Variants in PDE3A observed in about 807,000 individuals in gnomAD.
The protein encoded by PDE3A is cGMP-inhibited 3',5'-cyclic phosphodiesterase 3A.
Under a neutral mutation model 98.3 loss-of-function variants are expected in PDE3A, and 43 were observed. That is an observed-to-expected ratio of 0.44 (90% CI 0.34 to 0.56). The LOEUF is 0.56. Among genes scored for constraint, PDE3A ranks in the 20% least tolerant of loss-of-function variants. The pLI is 0.01. For synonymous variants in PDE3A, 663 were observed against 567.9 expected (o/e 1.17, Z -2.38); for missense variants, 1,427 against 1,440.7 (o/e 0.99, Z 0.15).
At chr12:20,647,788 A>G (rs1001084753) in intron 12 of PDE3A, among the ~76,000 whole-genome samples, 6 of 152,072 alleles carry the variant, frequency 3.9e-5, no homozygotes, top group African/African-American at 1.4e-4. Flanking sequence ...TTGACTATCT[A>G]CCTTCTTTCC....
At chr12:20,577,177 G>A (rs1311909878) in intron 2 of PDE3A, among the ~76,000 whole-genome samples, 1 of 151,946 alleles carries the variant, frequency 6.6e-6, no homozygotes, top group Non-Finnish European at 1.5e-5. Flanking sequence ...ATTTTAAAGA[G>A]CTGGCTAGAG....
chr12:20,667,845 G>A (rs551907520), intron 15 of PDE3A, among the ~76,000 whole-genome samples: 1 of 152,138 alleles, frequency 6.6e-6, no homozygotes, highest in Non-Finnish European at 1.5e-5. Flanking sequence ...CGGGGGAGGA[G>A]CCAAGATGGC....
In PDE3A at chr12:20,635,161, C is replaced by T. The variant is rs979131081; in HGVS notation, c.2001+105C>T. On this transcript the variant is annotated intron_variant, in intron 8 of 15. Transcript: ENST00000359062. ...TGAGGCCAGGCAAGGTGGCTCACAC[C>T]TGTAATCCCAACATTTTGGGAGGAC... 5 of 1,002,814 alleles carry T rather than the reference C, an allele frequency of 5.0e-6. No homozygotes were observed. The African/African-American group carries it at 6.4e-5, about 13-fold the overall frequency. 62.1% of individuals were successfully genotyped at this position (1,002,814 alleles called of 1,614,324 possible).
chr12:20,445,981 C>T (rs1449986396), intron 1 of PDE3A, among the ~76,000 whole-genome samples: 1 of 152,018 alleles, frequency 6.6e-6, no homozygotes. Context: ...TTGATAGCAT[C>T]CAGACAGCAG....
At chr12:20,587,294 G>A (rs949609721) in intron 2 of PDE3A, among the ~76,000 whole-genome samples, 7 of 152,068 alleles carry the variant, frequency 4.6e-5, no homozygotes, top group Non-Finnish European at 7.4e-5. Context: ...GCTTGAACGC[G>A]GGAGGCAGAG....
intron 1 of PDE3A, among the ~76,000 whole-genome samples, chr12:20,415,791 G>A (rs1315502715): frequency 1.1e-4 from 16 of 152,128 alleles, no homozygotes; most frequent in Non-Finnish European, 1.5e-5. Context: ...AGATGACTCA[G>A]GTTCTTTGGA....
chr12:20,395,387 A>G (rs946976584), intron 1 of PDE3A, among the ~76,000 whole-genome samples: 5 of 151,602 alleles, frequency 3.3e-5, no homozygotes, highest in African/African-American at 1.2e-4. Flanking sequence ...AGAAATATTA[A>G]CAGAAATGAA....
chr12:20,637,688 C>T (rs931347293), intron 9 of PDE3A, among the ~76,000 whole-genome samples: 5 of 152,016 alleles, frequency 3.3e-5, no homozygotes, highest in Non-Finnish European at 2.9e-5. Flanking sequence ...AATGTGTTTC[C>T]TCCTAGTGTT....
intron 1 of PDE3A, among the ~76,000 whole-genome samples, chr12:20,549,405 A>G (rs1942139552): frequency 6.6e-6 from 1 of 151,658 alleles, no homozygotes. Flanking sequence ...TGCATTAAAA[A>G]AAAAAAAAAG....
intron 15 of PDE3A, among the ~76,000 whole-genome samples, chr12:20,659,579 T>C (rs1000818228): frequency 9.8e-5 from 15 of 152,296 alleles, no homozygotes; most frequent in African/African-American, 3.6e-4. Flanking sequence ...ATTGTTTATT[T>C]ACTTTTGTAG....
intron 1 of PDE3A, among the ~76,000 whole-genome samples, chr12:20,444,938 T>C (rs1379687928): frequency 6.6e-6 from 1 of 152,200 alleles, no homozygotes; most frequent in Non-Finnish European, 1.5e-5. Flanking sequence ...GAATCCTGGC[T>C]CTAGGTTGGA....
At chr12:20,451,921 G>T (rs140757090) in intron 1 of PDE3A, among the ~76,000 whole-genome samples, 14 of 152,166 alleles carry the variant, frequency 9.2e-5, no homozygotes, top group African/African-American at 3.1e-4. Context: ...ACACTTAACC[G>T]CATTTCTCTT....
rs182929261 is a variant in PDE3A, at chr12:20,445,434, A to C, written c.960+75190A>C. On this transcript the variant is annotated intron_variant, in intron 1 of 15. Coordinates refer to ENST00000359062, the MANE Select transcript of PDE3A (RefSeq NM_000921.5). ...GTAAGGCTTTTCCAAATACTTTCTTAACCCTGAAAAACTTTCCCTCGGGAC... is the reference window on the plus strand; with the variant it reads ...GTAAGGCTTTTCCAAATACTTTCTTCACCCTGAAAAACTTTCCCTCGGGAC... Among the ~76,000 whole-genome samples the C allele has an allele frequency of 3.9e-4, 60 of 152,288 alleles. 1 individual carries two copies. Among genetic ancestry groups the C allele is most frequent in the African/African-American group, 1.4e-3 (60 of 41,582 alleles).
chr12:20,553,816 C>G (rs990382805), intron 1 of PDE3A, among the ~76,000 whole-genome samples: 1 of 152,102 alleles, frequency 6.6e-6, no homozygotes, highest in African/African-American at 2.4e-5. Flanking sequence ...CTAAAGACGA[C>G]AGTCTTTGTT....
intron 2 of PDE3A, 98 bp downstream of exon 2, chr12:20,556,808 A>G (rs1425915017): frequency 1.2e-6 from 1 of 851,134 alleles, no homozygotes; most frequent in African/African-American, 1.7e-5. Context: ...TGGAGCGAGG[A>G]AGAGGCAAAA....
chr12:20,491,443 G>A (rs1003420151), intron 1 of PDE3A, among the ~76,000 whole-genome samples: 2 of 152,164 alleles, frequency 1.3e-5, no homozygotes, highest in Non-Finnish European at 2.9e-5. Context: ...CATGGTGATT[G>A]TAAACTGTCA....
intron 1 of PDE3A, among the ~76,000 whole-genome samples, chr12:20,412,797 T>G (rs1043017642): frequency 1.3e-5 from 2 of 152,214 alleles, no homozygotes; most frequent in African/African-American, 4.8e-5. Flanking sequence ...TTAGCCATCT[T>G]TTTCCTCCAA....
At position 20,504,254 on chromosome 12, in the gene PDE3A, A is replaced by C. The variant is rs557319558; in HGVS notation, c.961-52406A>C. Among the ~76,000 whole-genome samples the C allele has an allele frequency of 1.2e-4, 19 of 152,218 alleles. No homozygotes were observed. The South Asian group carries it at 3.9e-3, about 32-fold the overall frequency. On this transcript the variant is annotated intron_variant, in intron 1 of 15. Transcript: ENST00000359062. ...GTGTATCTACATGTAACATGTACAC[A>C]GAAGCCAATTCATATATGTGAAAAA... is the stretch of plus-strand genomic sequence containing the variant.
At chr12:20,386,102 T>TATATATAAAA (rs1565532520) in intron 1 of PDE3A, among the ~76,000 whole-genome samples, 5 of 14,616 alleles carry the variant, frequency 3.4e-4, no homozygotes, top group African/African-American at 7.2e-4. Context: ...TATATATAAA[T>TATATATAAAA]ATATATATAA....
Sources: allele counts gnomAD v4.1 joint callset (sites outside exome capture counted in the v4.1 genomes callset), GRCh38; gene constraint gnomAD v4.1.1; transcripts MANE v1.5; gene names NCBI Gene and HGNC (gene_info 2026-07-23, HGNC 2026-07-21).